KIAA1217: variants seen among roughly 807,000 people sequenced by gnomAD.
KIAA1217 encodes the protein KIAA1217.
KIAA1217 carries 88 observed loss-of-function variants against 163.9 expected under a neutral mutation model. The observed-to-expected ratio is 0.54, with a 90% CI of 0.45 to 0.64. KIAA1217 has a LOEUF of 0.64. Ranked by LOEUF, KIAA1217 falls within the 30% of genes least tolerant of loss-of-function variation. The pLI, the probability that KIAA1217 is intolerant of heterozygous loss-of-function variation, is 0.00. For missense variants in KIAA1217, 2,372 were observed against 2,475.0 expected (o/e 0.96, Z 0.88); for synonymous variants, 903 against 923.1 (o/e 0.98, Z 0.39).
Position 24,546,823 on chromosome 10 carries a change from G to T in KIAA1217, c.*499G>T. 6.5e-6 allele frequency: 1 copy of T among 153,806 alleles called. No homozygotes were observed. The highest frequency in any genetic ancestry group is 6.5e-5 in the Admixed American group (1 of 15,486). The allele number at this position is 153,806 out of a possible 1,614,324, so 9.5% of individuals were successfully genotyped here. ...ATTTCTATTTTTGTCAAAACTTCATGGTTCCTTTCAAGATCTTTTTTGCCA... is the reference window on the plus strand; with the variant it reads ...ATTTCTATTTTTGTCAAAACTTCATTGTTCCTTTCAAGATCTTTTTTGCCA... On this transcript the variant is annotated 3_prime_UTR_variant, in exon 21 of 21. Transcript: ENST00000376454.
At chr10:24,387,442 A>C (rs1206844056) in intron 3 of KIAA1217, among the ~76,000 whole-genome samples, 1 of 152,232 alleles carries the variant, frequency 6.6e-6, no homozygotes, top group South Asian at 2.1e-4. Context: ...CCCACAGCCA[A>C]TATCATACTG....
chr10:24,201,893 A>G (rs996606035), intron 2 of KIAA1217, among the ~76,000 whole-genome samples: 1 of 150,700 alleles, frequency 6.6e-6, no homozygotes, highest in Non-Finnish European at 1.5e-5. Flanking sequence ...GTCTCTGGAC[A>G]CCCCTCTCGA....
At chr10:24,299,394 G>C (rs902676587) in intron 2 of KIAA1217, among the ~76,000 whole-genome samples, 50 of 152,206 alleles carry the variant, frequency 3.3e-4, no homozygotes, top group Middle Eastern at 3.4e-3. Context: ...GGCAACGTAA[G>C]TGCCTTTGAT....
chr10:23,844,159 A>G (rs554413988), intron 1 of KIAA1217, among the ~76,000 whole-genome samples: 1 of 152,258 alleles, frequency 6.6e-6, no homozygotes, highest in South Asian at 2.1e-4. Flanking sequence ...ACCCAGTGTT[A>G]CAATTTCTTG....
chr10:24,051,685 G>T (rs1225784136), intron 2 of KIAA1217, among the ~76,000 whole-genome samples: 1 of 152,090 alleles, frequency 6.6e-6, no homozygotes, highest in Non-Finnish European at 1.5e-5. Context: ...TTGTGGTTTT[G>T]ATTTGCATTT....
intron 1 of KIAA1217, among the ~76,000 whole-genome samples, chr10:23,821,104 C>CGT (rs3072739): frequency 0.054 from 7,666 of 143,156 alleles, 319 homozygotes; most frequent in African/African-American, 0.11. Flanking sequence ...TGTGTGTGTG[C>CGT]GTGTGTGTGT....
intron 1 of KIAA1217, among the ~76,000 whole-genome samples, chr10:23,865,720 G>A (rs1840149191): frequency 6.6e-6 from 1 of 151,864 alleles, no homozygotes; most frequent in South Asian, 2.1e-4. Context: ...TTCTATATAG[G>A]ATGAAGTCCA....
intron 1 of KIAA1217, among the ~76,000 whole-genome samples, chr10:23,992,939 C>T (rs1846282788): frequency 6.6e-6 from 1 of 151,554 alleles, no homozygotes; most frequent in South Asian, 2.1e-4. Context: ...ATACCACCGC[C>T]AGTTTTACTT....
intron 1 of KIAA1217, among the ~76,000 whole-genome samples, chr10:23,903,797 T>C (rs1343198053): frequency 6.6e-6 from 1 of 152,104 alleles, no homozygotes; most frequent in East Asian, 1.9e-4. Context: ...TTTGGGGTAG[T>C]ATTTCCTACA....
chr10:24,315,932 G>GA (rs796275798), intron 2 of KIAA1217, among the ~76,000 whole-genome samples: 13 of 148,876 alleles, frequency 8.7e-5, no homozygotes, highest in African/African-American at 3.2e-4. Flanking sequence ...TATCTAATGG[G>GA]GGGGGGGAAT....
At chr10:24,117,182 C>G (rs964511871) in intron 2 of KIAA1217, among the ~76,000 whole-genome samples, 8 of 152,022 alleles carry the variant, frequency 5.3e-5, no homozygotes, top group African/African-American at 1.9e-4. Context: ...GGATTACAGG[C>G]ATGTACCACC....
rs186060528 is a variant in KIAA1217, at chr10:23,845,586, C to A, written c.-321+150352C>A. ...TTTGCCAACTTTTTGATGGTTTTTT[C>A]TTTTTCTTGTAAATTTGTTTAAGTT... is the stretch of plus-strand genomic sequence containing the variant. On this transcript the variant is annotated intron_variant, in intron 1 of 18. Transcript: ENST00000376462. 9.3e-5 allele frequency among the ~76,000 whole-genome samples: 14 copies of A among 151,082 alleles called. No individual in the cohort carries two copies. The East Asian group carries it at 2.7e-3, about 30-fold the overall frequency.
intron 2 of KIAA1217, among the ~76,000 whole-genome samples, chr10:24,322,144 G>C (rs2044250404): frequency 6.6e-6 from 1 of 152,024 alleles, no homozygotes; most frequent in African/African-American, 2.4e-5. Flanking sequence ...GGCAGAGATG[G>C]TGTTTTACCA....
intron 2 of KIAA1217, among the ~76,000 whole-genome samples, chr10:24,200,139 CT>C (rs2067183040): frequency 1.3e-5 from 2 of 151,756 alleles, no homozygotes; most frequent in African/African-American, 4.8e-5. Context: ...CTCTCTCTTT[CT>C]CCTTTTCTCT....
At chr10:23,932,731 T>G (rs1843308493) in intron 1 of KIAA1217, among the ~76,000 whole-genome samples, 1 of 152,220 alleles carries the variant, frequency 6.6e-6, no homozygotes, top group Non-Finnish European at 1.5e-5. Context: ...GTTATCTCTT[T>G]TCAAAGTAGC....
intron 2 of KIAA1217, among the ~76,000 whole-genome samples, chr10:24,317,979 T>G (rs1230675352): frequency 1.3e-5 from 2 of 151,834 alleles, no homozygotes; most frequent in East Asian, 3.9e-4. Flanking sequence ...GGTATTGCTG[T>G]GAAGGTTTGT....
chr10:23,696,139 C>G (rs535356078), intron 1 of KIAA1217, among the ~76,000 whole-genome samples: 6 of 152,336 alleles, frequency 3.9e-5, no homozygotes, highest in African/African-American at 1.4e-4. Flanking sequence ...TGGGCTCTCT[C>G]CTTCCTAATG....
rs941069660 is a variant in KIAA1217, at chr10:24,134,503, G to A, written c.-170-85123G>A. The stretch of plus-strand genomic sequence containing the variant: ...GGCAAAAGGAGAACCTTGTAGTTGC[G>A]CTGACCTTCACAGTAGGTAGTCAGA... On this transcript the variant is annotated intron_variant, in intron 2 of 18. Coordinates refer to the KIAA1217 transcript ENST00000376462. Among the ~76,000 whole-genome samples, 6 of 152,266 alleles carry A rather than the reference G, an allele frequency of 3.9e-5. No individual in the cohort carries two copies. The South Asian group carries it at 8.3e-4, about 21-fold the overall frequency.
intron 10 of KIAA1217, 63 bp downstream of exon 10, chr10:24,513,497 G>A: frequency 2.0e-6 from 3 of 1,528,332 alleles, no homozygotes; most frequent in East Asian, 2.3e-5. Context: ...TCATTACTAA[G>A]AAGGAGGTCC....
Sources: gnomAD v4.1 joint callset for allele counts (sites outside exome capture counted in the v4.1 genomes callset) on GRCh38, gnomAD v4.1.1 for gene constraint, MANE v1.5 for transcripts, NCBI Gene and HGNC (gene_info 2026-07-23, HGNC 2026-07-21) for gene names.